Variants in PSD2 observed in about 807,000 individuals in gnomAD.
PSD2 encodes pleckstrin and Sec7 domain containing 2, also known as PH and SEC7 domain-containing protein 2.
In PSD2, 38 loss-of-function variants were observed where a neutral mutation model predicts 69.8. That is an observed-to-expected ratio of 0.54 (90% confidence interval 0.42 to 0.71). The LOEUF is 0.71. PSD2 is among the 30% of genes least tolerant of loss of function. The pLI, the probability that PSD2 is intolerant of heterozygous loss-of-function variation, is 0.00. For synonymous variants in PSD2, 412 were observed against 423.0 expected, an observed-to-expected ratio of 0.97 and a Z score of 0.32; for missense variants, 943 against 1,014.5, an observed-to-expected ratio of 0.93 and a Z score of 0.96.
chr5:139,799,062 G>A (rs1759601448), intron 1 of PSD2, among the ~76,000 whole-genome samples: 1 of 152,110 alleles, frequency 6.6e-6, no homozygotes, highest in African/African-American at 2.4e-5. Context: ...TTAGAGTCAA[G>A]TTAACCATTT....
chr5:139,841,670 A>G (rs1298256793), intron 14 of PSD2, among the ~76,000 whole-genome samples: 2 of 152,100 alleles, frequency 1.3e-5, no homozygotes, highest in Non-Finnish European at 2.9e-5. Flanking sequence ...ATCCTCACCA[A>G]CATGTATTTT....
At chr5:139,768,597 C>T in the PSD2 span, among the ~76,000 whole-genome samples, 5 of 152,040 alleles carry the variant, frequency 3.3e-5, no homozygotes, top group Admixed American at 2.6e-4. Flanking sequence ...GTGGCGCATG[C>T]CTGTAATCCC....
chr5:139,842,603 C>A lies in PSD2; in HGVS notation c.*129C>A. On this transcript the variant is annotated 3_prime_UTR_variant, in exon 15 of 15. Coordinates refer to ENST00000274710, the MANE Select transcript of PSD2 (RefSeq NM_032289.4). ...GGGCAGCTAGAGGGGTGCAGAAAGC[C>A]TGTGGGCCCAGGAGATGGAGATGCC... 1.1e-5 allele frequency: 9 copies of A among 802,216 alleles called. No homozygotes were observed. Among genetic ancestry groups the A allele is most frequent in the Non-Finnish European group, 1.8e-5 (9 of 500,580 alleles). The allele number at this position is 802,216 out of a possible 1,614,324, so 49.7% of individuals were successfully genotyped here. A position where few individuals can be genotyped will look rare whatever the true frequency, so the allele number is the denominator to read the frequency against.
intron 7 of PSD2, among the ~76,000 whole-genome samples, chr5:139,826,633 A>G (rs1406215798): frequency 1.3e-5 from 2 of 152,226 alleles, no homozygotes; most frequent in African/African-American, 4.8e-5. Flanking sequence ...GGGACTGACC[A>G]GTCAGGATGG....
chr5:139,821,747 C>T (rs780054872), intron 5 of PSD2, 146 bp from the exon 6 acceptor site: 1 of 497,098 alleles, frequency 2.0e-6, no homozygotes, highest in Non-Finnish European at 3.6e-6. Flanking sequence ...CCAGGGCCTC[C>T]TGGGCGTGGA....
chr5:139,837,103 G>T lies in PSD2; in HGVS notation c.1595-65G>T, dbSNP rs1400502480. On this transcript the variant is annotated intron_variant, in intron 10 of 14. Transcript: ENST00000274710. This position sits in a 1 kb window ranked among gnomAD's most constrained non-coding sequence, Gnocchi z 5.0. ...CGAACATACAGGTGGACACGTAGTG[G>T]GAGGTGGGGTTGGAGAGACTGCAGA... 3.1e-6 allele frequency: 5 copies of T among 1,601,270 alleles called. No homozygotes were observed. Among genetic ancestry groups the T allele is most frequent in the Non-Finnish European group, 4.3e-6 (5 of 1,170,538 alleles).
intron 7 of PSD2, among the ~76,000 whole-genome samples, chr5:139,825,898 G>C (rs2126954240): frequency 6.6e-6 from 1 of 152,320 alleles, no homozygotes; most frequent in Non-Finnish European, 1.5e-5. Context: ...AGAACACACT[G>C]ATGGCCAAGT....
chr5:139,754,454 T>C, the PSD2 span, among the ~76,000 whole-genome samples: 1 of 151,612 alleles, frequency 6.6e-6, no homozygotes, highest in Admixed American at 6.6e-5. Context: ...TCTCAGCACT[T>C]TGGGAGGCTG....
At chr5:139,755,157 G>T in the PSD2 span, among the ~76,000 whole-genome samples, 6 of 152,304 alleles carry the variant, frequency 3.9e-5, no homozygotes, top group African/African-American at 1.4e-4. Flanking sequence ...CGCCACCCAC[G>T]CCCCTTCCCA....
chr5:139,806,873 C>A (rs1759822071), intron 1 of PSD2, among the ~76,000 whole-genome samples: 2 of 152,196 alleles, frequency 1.3e-5, no homozygotes, highest in African/African-American at 4.8e-5. Flanking sequence ...GCCCCCCGCC[C>A]AGAGTAGAAC....
intron 6 of PSD2, among the ~76,000 whole-genome samples, chr5:139,822,221 C>G (rs1422680506): frequency 6.6e-6 from 1 of 152,238 alleles, no homozygotes; most frequent in Admixed American, 6.5e-5. Flanking sequence ...TGTTCTCCTC[C>G]CCACTGCCTG....
chr5:139,790,623 G>A, the PSD2 span, among the ~76,000 whole-genome samples: 2 of 152,150 alleles, frequency 1.3e-5, no homozygotes, highest in African/African-American at 4.8e-5. Flanking sequence ...AGGAGGAAGC[G>A]GGGATGAACG....
At chr5:139,823,279 C>T (rs576704278) in intron 7 of PSD2, among the ~76,000 whole-genome samples, 1 of 152,282 alleles carries the variant, frequency 6.6e-6, no homozygotes, top group South Asian at 2.1e-4. Context: ...CTATCTGCTC[C>T]GGGACCCCTC....
chr5:139,836,517 A>G (rs1403384688), intron 9 of PSD2, among the ~76,000 whole-genome samples: 1 of 152,198 alleles, frequency 6.6e-6, no homozygotes, highest in East Asian at 1.9e-4. Context: ...AAGACTAGGA[A>G]GGAGACCTGG....
At chr5:139,796,714 C>T (rs1326994602) in intron 1 of PSD2, among the ~76,000 whole-genome samples, 1 of 152,222 alleles carries the variant, frequency 6.6e-6, no homozygotes, top group East Asian at 1.9e-4. Flanking sequence ...GATGCAGGGA[C>T]TCCCCGGAAT....
the PSD2 span, among the ~76,000 whole-genome samples, chr5:139,788,237 G>A: frequency 3.9e-5 from 5 of 127,244 alleles, no homozygotes; most frequent in East Asian, 1.0e-3. Context: ...AGCTCCCCCT[G>A]CGGGAACCTT....
At position 139,822,802 on chromosome 5, in the gene PSD2, C is replaced by CG. The variant is rs765799196; in HGVS notation, c.1269+24dup. On this transcript the variant is annotated intron_variant, in intron 7 of 14. Transcript: ENST00000274710. ...ACGGCCACGTGAGTTGGGGAGGTGA[C>CG]GGGGGGTGTCGCATGTCCTCTCAGG... is the stretch of plus-strand genomic sequence containing the variant. 3 of 1,597,278 alleles carry CG rather than the reference C, an allele frequency of 1.9e-6. No homozygotes were observed. The highest frequency in any genetic ancestry group is 2.3e-5 in the East Asian group (1 of 43,706).
In PSD2 at chr5:139,842,782, G is replaced by A. The variant is rs547439001; in HGVS notation, c.*308G>A. 3.3e-6 allele frequency: 1 copy of A among 304,770 alleles called. No individual in the cohort carries two copies. Among genetic ancestry groups the A allele is most frequent in the East Asian group, 6.2e-5 (1 of 16,050 alleles). The allele number at this position is 304,770 out of a possible 1,614,324, so 18.9% of individuals were successfully genotyped here. A position where few individuals can be genotyped will look rare whatever the true frequency, so the allele number is the denominator to read the frequency against. The stretch of plus-strand genomic sequence containing the variant: ...CCTCGCTGGAGAAGCTGGAAGGGCT[G>A]TTGTCTTCCCAGGTCTTTCTCTTCT... On this transcript the variant is annotated 3_prime_UTR_variant, in exon 15 of 15. Transcript: ENST00000274710.
the PSD2 span, among the ~76,000 whole-genome samples, chr5:139,753,192 C>T: frequency 2.6e-5 from 4 of 152,200 alleles, no homozygotes; most frequent in African/African-American, 7.2e-5. Flanking sequence ...GCAGATCCCA[C>T]GTGCTTCCTG....
Sources: gnomAD v4.1 joint callset for allele counts (sites outside exome capture counted in the v4.1 genomes callset) on GRCh38, gnomAD v4.1.1 for gene constraint, Gnocchi (gnomAD v3.1) non-coding constraint, MANE v1.5 for transcripts, NCBI Gene and HGNC (gene_info 2026-07-23, HGNC 2026-07-21) for gene names.